BABAM2: variants seen among roughly 807,000 people sequenced by gnomAD.
BABAM2 encodes the protein BRISC and BRCA1 A complex member 2.
Under a neutral mutation model 54.7 loss-of-function variants are expected in BABAM2, and 31 were observed. The ratio of observed to expected loss-of-function variants is 0.57; its 90% CI spans 0.43 to 0.77. The LOEUF is 0.77. Ranked by LOEUF, BABAM2 falls within the 30% of genes least tolerant of loss-of-function variation. The pLI is 0.00. For missense variants in BABAM2, 364 were observed against 455.8 expected (o/e 0.80, Z 1.83); for synonymous variants, 167 against 162.9 (o/e 1.03, Z -0.19).
chr2:28,054,107 C>T (rs1298119953), intron 6 of BABAM2, among the ~76,000 whole-genome samples: 3 of 151,946 alleles, frequency 2.0e-5, no homozygotes, highest in African/African-American at 4.8e-5. Flanking sequence ...CTGGATTTGG[C>T]CCATAGGCAG....
chr2:28,195,706 A>C (rs1167927878), intron 7 of BABAM2, among the ~76,000 whole-genome samples: 3 of 152,234 alleles, frequency 2.0e-5, no homozygotes, highest in Non-Finnish European at 4.4e-5. Flanking sequence ...TGTCTTTATA[A>C]AAGTGACTGT....
chr2:28,245,321 G>C (rs17006631), intron 10 of BABAM2, among the ~76,000 whole-genome samples: 19,384 of 152,084 alleles, frequency 0.13, 1,457 homozygotes, highest in African/African-American at 0.21. Flanking sequence ...GGTATTATTG[G>C]AAACATACCT....
intron 8 of BABAM2, 112 bp from the exon 9 acceptor site, chr2:28,241,211 T>A: frequency 1.0e-6 from 1 of 981,612 alleles, no homozygotes. Context: ...GTAGTGGGAA[T>A]ACCGGTGTTC....
intron 1 of BABAM2, 59 bp from the exon 2 acceptor site, chr2:27,894,472 CAG>C: frequency 1.3e-6 from 2 of 1,497,572 alleles, no homozygotes; most frequent in South Asian, 2.3e-5. Flanking sequence ...AGTTTTCAGG[CAG>C]AGTGTTGTAT....
intron 7 of BABAM2, among the ~76,000 whole-genome samples, chr2:28,209,773 A>C (rs1489613661): frequency 6.6e-6 from 1 of 152,204 alleles, no homozygotes; most frequent in Non-Finnish European, 1.5e-5. Flanking sequence ...GATTTTGTTG[A>C]TCAAGCTATA....
chr2:28,130,650 C>T (rs74442132), intron 7 of BABAM2, among the ~76,000 whole-genome samples: 2 of 152,024 alleles, frequency 1.3e-5, no homozygotes, highest in East Asian at 1.9e-4. Context: ...GACCGGGTCT[C>T]GCTCTATTGC....
intron 11 of BABAM2, among the ~76,000 whole-genome samples, chr2:28,330,881 C>T (rs1233787737): frequency 6.6e-6 from 1 of 152,112 alleles, no homozygotes; most frequent in Non-Finnish European, 1.5e-5. Context: ...ATAGCCAAGA[C>T]AATCCTAAGC....
chr2:28,076,757 C>T (rs541443105), intron 6 of BABAM2, among the ~76,000 whole-genome samples: 4 of 152,200 alleles, frequency 2.6e-5, no homozygotes, highest in African/African-American at 7.2e-5. Flanking sequence ...CCACCCGCTT[C>T]GGCCTCCCAA....
At chr2:28,319,466 GCTCC>G (rs1689840485) in intron 11 of BABAM2, among the ~76,000 whole-genome samples, 1 of 152,248 alleles carries the variant, frequency 6.6e-6, no homozygotes, top group Non-Finnish European at 1.5e-5. Context: ...CAAATGCACA[GCTCC>G]CTGCGCCTCT....
At chr2:28,106,953 A>G (rs1393175673) in intron 6 of BABAM2, among the ~76,000 whole-genome samples, 1 of 152,178 alleles carries the variant, frequency 6.6e-6, no homozygotes, top group East Asian at 1.9e-4. Flanking sequence ...TCCAATTCCA[A>G]TTCAACACAC....
At chr2:28,097,635 A>C (rs936078075) in intron 6 of BABAM2, among the ~76,000 whole-genome samples, 1 of 152,042 alleles carries the variant, frequency 6.6e-6, no homozygotes, top group Non-Finnish European at 1.5e-5. Context: ...TATATTTGCT[A>C]TATTTTTGAG....
chr2:28,204,709 T>C (rs1678645401), intron 7 of BABAM2, among the ~76,000 whole-genome samples: 1 of 152,220 alleles, frequency 6.6e-6, no homozygotes, highest in Non-Finnish European at 1.5e-5. Flanking sequence ...ATTGAATGCT[T>C]ACTATGTATC....
intron 3 of BABAM2, among the ~76,000 whole-genome samples, chr2:27,942,474 C>T (rs1668968906): frequency 6.6e-6 from 1 of 152,040 alleles, no homozygotes; most frequent in Non-Finnish European, 1.5e-5. Context: ...AATCCCTCCA[C>T]CTCAGCCTCC....
intron 3 of BABAM2, among the ~76,000 whole-genome samples, chr2:27,949,307 C>T (rs1261157705): frequency 1.3e-5 from 2 of 152,142 alleles, no homozygotes; most frequent in African/African-American, 2.4e-5. Context: ...CCGAGACAGG[C>T]GGATCACCTG....
At chr2:28,079,451 G>A (rs1470790873) in intron 6 of BABAM2, among the ~76,000 whole-genome samples, 1 of 152,186 alleles carries the variant, frequency 6.6e-6, no homozygotes, top group African/African-American at 2.4e-5. Flanking sequence ...TAGTACAAGA[G>A]AGGCAGGAAT....
rs1373179326 is a variant in BABAM2 at position 28,338,568 on chromosome 2, G to A, written c.*55G>A. On this transcript the variant is annotated 3_prime_UTR_variant, in exon 12 of 12. Transcript: ENST00000379624. Reference sequence around the variant, plus strand: ...AGACTGCCTGTCCACATGCGTGTCAGCACATACAGCCGCTTCCTGGAAGCC... The same window carrying A: ...AGACTGCCTGTCCACATGCGTGTCAACACATACAGCCGCTTCCTGGAAGCC... 1 of 1,590,932 alleles carries A rather than the reference G, an allele frequency of 6.3e-7. No homozygotes were observed. Among genetic ancestry groups the A allele is most frequent in the African/African-American group, 1.3e-5 (1 of 74,386 alleles).
At chr2:28,069,968 TG>T (rs759032368) in intron 6 of BABAM2, among the ~76,000 whole-genome samples, 9 of 152,220 alleles carry the variant, frequency 5.9e-5, no homozygotes, top group Non-Finnish European at 1.2e-4. Context: ...CTCTAACTGC[TG>T]GGCTCAACTG....
At chr2:27,937,556 C>A (rs866884170) in intron 3 of BABAM2, among the ~76,000 whole-genome samples, 16 of 152,154 alleles carry the variant, frequency 1.1e-4, no homozygotes, top group African/African-American at 3.9e-4. Context: ...ATTTGCATTT[C>A]CTTGATAATT....
At chr2:27,929,765 A>G in intron 2 of BABAM2, 67 bp from the exon 3 acceptor site, 4 of 1,405,094 alleles carry the variant, frequency 2.8e-6, no homozygotes, top group Non-Finnish European at 4.0e-6. Context: ...AGTATCATAA[A>G]CATGTGGGTT....
Sources: allele counts gnomAD v4.1 joint callset (sites outside exome capture counted in the v4.1 genomes callset), GRCh38; gene constraint gnomAD v4.1.1; transcripts MANE v1.5; gene names NCBI Gene and HGNC (gene_info 2026-07-23, HGNC 2026-07-21).